Variants in DMD observed in about 807,000 individuals in gnomAD.
DMD encodes the protein dystrophin.
In DMD, 63 loss-of-function variants were observed where a neutral mutation model predicts 330.1. The observed-to-expected ratio is 0.19, with a 90% CI of 0.16 to 0.24. The LOEUF (loss-of-function observed/expected upper bound fraction) is 0.24. Among genes scored for constraint, DMD ranks in the 10% least tolerant of loss-of-function variants. The pLI is 1.00. For missense variants in DMD, 3,344 were observed against 2,684.1 expected (o/e 1.25, Z -5.43); for synonymous variants, 1,223 against 959.8 (o/e 1.27, Z -5.07).
chrX:33,201,609 C>G (rs1397224149), intron 1 of DMD, among the ~76,000 whole-genome samples: 2 of 111,891 alleles, frequency 1.8e-5, no homozygotes, highest in East Asian at 5.6e-4. Context: ...AACTAAATAT[C>G]ACACTGTGGA....
intron 44 of DMD, among the ~76,000 whole-genome samples, chrX:32,007,692 G>T (rs911290541): frequency 1.8e-5 from 2 of 110,539 alleles, no homozygotes; most frequent in East Asian, 2.8e-4. Flanking sequence ...GCACAGGTTT[G>T]GGGGGACGTG....
chrX:32,493,136 A>G (rs2043164087), intron 19 of DMD, among the ~76,000 whole-genome samples: 1 of 111,786 alleles, frequency 8.9e-6, no homozygotes, highest in Non-Finnish European at 1.9e-5. Flanking sequence ...AAGACTAAAA[A>G]AAATATAGAT....
At chrX:31,134,262 T>G in intron 76 of DMD, 68 bp from the exon 77 acceptor site, 1 of 875,587 alleles carries the variant, frequency 1.1e-6, no homozygotes. Flanking sequence ...AGGGCCATGA[T>G]TACATTTTTA....
chrX:33,158,023 G>A (rs2048591414), intron 1 of DMD, among the ~76,000 whole-genome samples: 1 of 111,787 alleles, frequency 8.9e-6, no homozygotes, highest in African/African-American at 3.3e-5. Flanking sequence ...GGGCAGAGAA[G>A]TCATGCTTGG....
intron 22 of DMD, among the ~76,000 whole-genome samples, chrX:32,470,826 T>C (rs1243108756): frequency 8.9e-6 from 1 of 112,300 alleles, no homozygotes; most frequent in African/African-American, 3.2e-5. Context: ...AAATATTTAA[T>C]TATCCAAAAA....
chrX:32,900,864 T>G (rs1213247168), intron 2 of DMD, among the ~76,000 whole-genome samples: 1 of 111,459 alleles, frequency 9.0e-6, no homozygotes, highest in Non-Finnish European at 1.9e-5. Context: ...AATTATGAAG[T>G]GTTAAAATTG....
chrX:31,570,243 A>G (rs2075737470), intron 55 of DMD, among the ~76,000 whole-genome samples: 1 of 111,579 alleles, frequency 9.0e-6, no homozygotes, highest in African/African-American at 3.3e-5. Flanking sequence ...TCCCTATTAG[A>G]AGAAGTTACA....
intron 13 of DMD, among the ~76,000 whole-genome samples, chrX:32,586,859 A>G (rs946819870): frequency 9.0e-6 from 1 of 111,332 alleles, no homozygotes; most frequent in Non-Finnish European, 1.9e-5. Context: ...CATACAAAGC[A>G]TGTAAAACTC....
At chrX:32,627,732 TA>T (rs1199876034) in intron 11 of DMD, among the ~76,000 whole-genome samples, 2 of 110,972 alleles carry the variant, frequency 1.8e-5, no homozygotes, top group Non-Finnish European at 3.8e-5. Flanking sequence ...TTATAAATAT[TA>T]AAAAAATAGA....
chrX:31,560,421 T>C (rs1462273247), intron 55 of DMD, among the ~76,000 whole-genome samples: 1 of 111,914 alleles, frequency 8.9e-6, no homozygotes, highest in East Asian at 2.8e-4. Context: ...GAAAAGACAT[T>C]ATGTCTGAGT....
At chrX:32,267,446 C>T (rs890440285) in intron 43 of DMD, among the ~76,000 whole-genome samples, 5 of 111,947 alleles carry the variant, frequency 4.5e-5, no homozygotes, top group Non-Finnish European at 9.4e-5. Flanking sequence ...TTTATTCTTG[C>T]TTTCTCTAGG....
At chrX:33,052,468 T>A (rs1266614979) in intron 1 of DMD, among the ~76,000 whole-genome samples, 1 of 111,687 alleles carries the variant, frequency 9.0e-6, no homozygotes, top group Non-Finnish European at 1.9e-5. Flanking sequence ...TATAAACATA[T>A]CCTGATAATA....
intron 50 of DMD, among the ~76,000 whole-genome samples, chrX:31,793,269 C>A (rs1452290423): frequency 9.0e-6 from 1 of 110,513 alleles, no homozygotes; most frequent in Non-Finnish European, 1.9e-5. Context: ...GATATAAGTT[C>A]CCACTTTGAG....
chrX:32,874,447 G>C (rs2083233205), intron 2 of DMD, among the ~76,000 whole-genome samples: 2 of 111,109 alleles, frequency 1.8e-5, no homozygotes, highest in Non-Finnish European at 3.8e-5. Flanking sequence ...TTTCTCTCTC[G>C]CCTGGCTTGT....
chrX:32,362,399 C>T (rs1266706841), intron 37 of DMD, among the ~76,000 whole-genome samples: 1 of 111,740 alleles, frequency 8.9e-6, no homozygotes, highest in Non-Finnish European at 1.9e-5. Flanking sequence ...CAAAATTTAT[C>T]GGTAGTGCTT....
intron 54 of DMD, among the ~76,000 whole-genome samples, chrX:31,632,828 C>T (rs915984413): frequency 1.4e-4 from 16 of 111,792 alleles, no homozygotes; most frequent in African/African-American, 4.5e-4. Context: ...TTATATTGTA[C>T]TTGTGAGGGG....
At chrX:32,651,439 G>A (rs1176031221) in intron 9 of DMD, among the ~76,000 whole-genome samples, 4 of 111,978 alleles carry the variant, frequency 3.6e-5, no homozygotes, top group Non-Finnish European at 7.5e-5. Context: ...CACGGTGTCC[G>A]GCCCTCACGT....
At chrX:32,574,939 C>A (rs1389647734) in intron 13 of DMD, among the ~76,000 whole-genome samples, 1 of 108,742 alleles carries the variant, frequency 9.2e-6, no homozygotes, top group Non-Finnish European at 1.9e-5. Flanking sequence ...CTCCTGTCAC[C>A]CAGGCTGGAG....
intron 17 of DMD, among the ~76,000 whole-genome samples, chrX:32,537,944 C>G (rs1174981364): frequency 8.9e-6 from 1 of 112,293 alleles, no homozygotes; most frequent in Non-Finnish European, 1.9e-5. Flanking sequence ...GACCAGTTCT[C>G]AATATAGTGC....
Sources: allele counts gnomAD v4.1 joint callset (sites outside exome capture counted in the v4.1 genomes callset), GRCh38; gene constraint gnomAD v4.1.1; transcripts MANE v1.5; gene names NCBI Gene and HGNC (gene_info 2026-07-23, HGNC 2026-07-21).